The following ACOX3 variants were observed in gnomAD, a reference collection of about 807,000 sequenced individuals.
ACOX3 encodes acyl-CoA oxidase 3, pristanoyl, also known as peroxisomal acyl-coenzyme A oxidase 3.
ACOX3 carries 73 observed loss-of-function variants against 81.5 expected under a neutral mutation model. The ratio of observed to expected loss-of-function variants is 0.90; its 90% CI spans 0.74 to 1.09. The LOEUF is 1.09. Among genes scored for constraint, ACOX3 ranks in the 50% least tolerant of loss-of-function variants. The probability of loss-of-function intolerance (pLI) is 0.00; values close to 1 mark genes in which losing one functional copy is unlikely to be tolerated. For synonymous variants in ACOX3, 387 were observed against 375.1 expected (o/e 1.03, Z -0.37); for missense variants, 947 against 928.0 (o/e 1.02, Z -0.27).
At chr4:8,358,405 G>C in the ACOX3 span, 1 of 125,848 alleles carries the variant, frequency 7.9e-6, no homozygotes, top group African/African-American at 3.1e-5. Flanking sequence ...CAACTTTTTA[G>C]ACAAAGCTTA....
At chr4:8,369,165 C>T (rs553578637) in intron 17 of ACOX3, among the ~76,000 whole-genome samples, 4 of 152,252 alleles carry the variant, frequency 2.6e-5, no homozygotes, top group South Asian at 2.1e-4. Context: ...CGCTCAAGGC[C>T]GCTCCGGCTT....
chr4:8,431,118 G>A lies in ACOX3; in HGVS notation c.-15+9530C>T, dbSNP rs1457871143. 6.6e-6 allele frequency among the ~76,000 whole-genome samples: 1 copy of A among 152,176 alleles called. No individual in the cohort carries two copies. Among genetic ancestry groups the A allele is most frequent in the Non-Finnish European group, 1.5e-5 (1 of 68,032 alleles). On this transcript the variant is annotated intron_variant, in intron 1 of 17. Transcript: ENST00000356406. The surrounding 1 kb of genome is among the most constrained non-coding windows in gnomAD (Gnocchi z 5.3). Reference sequence around the variant, plus strand: ...TTAGGGCATCATCACAAAATGACATGGAGAAAACAAAGCACAGGTTTCCAG... The same window carrying A: ...TTAGGGCATCATCACAAAATGACATAGAGAAAACAAAGCACAGGTTTCCAG...
chr4:8,420,895 A>G (rs1028796168), intron 1 of ACOX3, among the ~76,000 whole-genome samples: 7 of 152,184 alleles, frequency 4.6e-5, no homozygotes, highest in African/African-American at 1.7e-4. Context: ...TGCATGGCTA[A>G]GTGCCTGGGT....
In ACOX3 at chr4:8,385,619, C is replaced by A. The variant is rs1308012580; in HGVS notation, c.1537+3554G>T. 6.6e-6 allele frequency among the ~76,000 whole-genome samples: 1 copy of A among 152,246 alleles called. No homozygotes were observed. The highest frequency in any genetic ancestry group is 2.4e-5 in the African/African-American group (1 of 41,466). On this transcript the variant is annotated intron_variant, in intron 13 of 17. Coordinates refer to ENST00000356406, the MANE Select transcript of ACOX3 (RefSeq NM_003501.3). The surrounding 1 kb of genome is among the most constrained non-coding windows in gnomAD (Gnocchi z 5.5). ...AATGCCTGTGCAAAAATCAGAGGAA[C>A]TCAACAGAAAACCCAGCCTCCCCTA...
At chr4:8,367,634 A>G (rs1407569018) in intron 17 of ACOX3, among the ~76,000 whole-genome samples, 2 of 151,830 alleles carry the variant, frequency 1.3e-5, no homozygotes, top group East Asian at 1.9e-4. Flanking sequence ...ATAAAGTACT[A>G]TAAAACACAT....
At chr4:8,356,349 A>G in the ACOX3 span, 1 of 369,932 alleles carries the variant, frequency 2.7e-6, no homozygotes, top group Non-Finnish European at 5.4e-6. Flanking sequence ...TCCCCTGTGC[A>G]GAGCATGTCT....
intron 16 of ACOX3, among the ~76,000 whole-genome samples, chr4:8,371,895 G>A (rs919957141): frequency 4.6e-5 from 7 of 152,242 alleles, no homozygotes; most frequent in South Asian, 2.1e-4. Flanking sequence ...CTACTGTGCC[G>A]TGGAAGCACA....
intron 1 of ACOX3, among the ~76,000 whole-genome samples, chr4:8,422,155 G>A (rs1316902348): frequency 1.3e-5 from 2 of 151,744 alleles, no homozygotes; most frequent in African/African-American, 4.8e-5. Context: ...AGAGAGAAAG[G>A]AAAGAGAGAG....
intron 17 of ACOX3, 40 bp from the exon 18 acceptor site, chr4:8,367,120 TAAG>T (rs765809577): frequency 2.4e-5 from 39 of 1,602,922 alleles, no homozygotes; most frequent in Non-Finnish European, 3.1e-5. Flanking sequence ...GACAAAGAAA[TAAG>T]AAGGAAAAGA....
At chr4:8,374,704 G>A (rs377383935) in intron 15 of ACOX3, 2 of 356,214 alleles carry the variant, frequency 5.6e-6, no homozygotes, top group Admixed American at 4.4e-5. Context: ...TGCAGAGCCC[G>A]GCAGGCTGCC....
At position 8,415,891 on chromosome 4, in the gene ACOX3, TC is replaced by T; in HGVS notation, c.252del (p.Ile85SerfsTer17). ...YRELNFLRCKRIFEYDFLSVE... is the reference protein window; with the variant it reads ...YRELNFLRCKXIFEYDFLSVE... ...ACACTGAGGAAGTCATACTCGAAGATCCGCTTGCATCGAAGGAAGTTCAGCT... is the reference window on the plus strand; with the variant it reads ...ACACTGAGGAAGTCATACTCGAAGATCGCTTGCATCGAAGGAAGTTCAGCT... On this transcript the variant is annotated frameshift_variant, in exon 3 of 18. Coordinates refer to ENST00000356406, the MANE Select transcript of ACOX3 (RefSeq NM_003501.3). LOFTEE classifies it high-confidence loss of function. 1 of 1,614,162 alleles carries T rather than the reference TC, an allele frequency of 6.2e-7. No individual in the cohort carries two copies. The highest frequency in any genetic ancestry group is 8.5e-7 in the Non-Finnish European group (1 of 1,180,038).
rs576857261 is a variant in ACOX3 at position 8,389,840 on chromosome 4, C to A, written c.1301-106G>T. On this transcript the variant is annotated intron_variant, in intron 11 of 17. Transcript: ENST00000356406. This position sits in a 1 kb window ranked among gnomAD's most constrained non-coding sequence, Gnocchi z 5.3. ...CCTTAAGAGGCTGGGTGCGGTGGCT[C>A]ACACCTGTAATGGCAGCACTTTGGG... 5 of 1,472,324 alleles carry A rather than the reference C, an allele frequency of 3.4e-6. No homozygotes were observed. In the African/African-American group the frequency reaches 7.0e-5, roughly 20 times the overall value. The allele number at this position is 1,472,324 out of a possible 1,614,324, so 91.2% of individuals were successfully genotyped here. A position where few individuals can be genotyped will look rare whatever the true frequency, so the allele number is the denominator to read the frequency against.
chr4:8,385,527 G>A lies in ACOX3; in HGVS notation c.1537+3646C>T, dbSNP rs1045243839. On this transcript the variant is annotated intron_variant, in intron 13 of 17. Coordinates refer to ENST00000356406, the MANE Select transcript of ACOX3 (RefSeq NM_003501.3). The surrounding 1 kb of genome is among the most constrained non-coding windows in gnomAD (Gnocchi z 5.5). ...GCATACGAGCCAGCTAAACAACAGG[G>A]CCCACTGCAGGAAGCAACAGCACAG... Among the ~76,000 whole-genome samples the A allele has an allele frequency of 1.3e-5, 2 of 152,246 alleles. No homozygotes were observed. Among genetic ancestry groups the A allele is most frequent in the African/African-American group, 4.8e-5 (2 of 41,470 alleles).
chr4:8,384,261 C>T lies in ACOX3; in HGVS notation c.1538-2654G>A, dbSNP rs1362116417. Among the ~76,000 whole-genome samples the T allele has an allele frequency of 2.6e-5, 4 of 151,976 alleles. No individual in the cohort carries two copies. Among genetic ancestry groups the T allele is most frequent in the Non-Finnish European group, 5.9e-5 (4 of 68,006 alleles). On this transcript the variant is annotated intron_variant, in intron 13 of 17. Transcript: ENST00000356406. The surrounding 1 kb of genome is among the most constrained non-coding windows in gnomAD (Gnocchi z 5.3). ...ACTCTACTTTTGGTTCTTGGTTTTT[C>T]GTGAAAAAATAAATCATGTCAGTCT... is the stretch of plus-strand genomic sequence containing the variant.
At chr4:8,371,676 T>G (rs1716216909) in intron 16 of ACOX3, among the ~76,000 whole-genome samples, 1 of 152,208 alleles carries the variant, frequency 6.6e-6, no homozygotes. Context: ...AGGAACTGAG[T>G]GCACCTCTGC....
Position 8,413,198 on chromosome 4 carries a change from C to T in ACOX3, c.543+1094G>A, listed in dbSNP as rs548972453. ...GGCCCATCTCCCTCCACCCCTGCACCCCTCCATAGTACTGACAGCCCCAGG... is the reference window on the plus strand; with the variant it reads ...GGCCCATCTCCCTCCACCCCTGCACTCCTCCATAGTACTGACAGCCCCAGG... On this transcript the variant is annotated intron_variant, in intron 5 of 17. Coordinates refer to ENST00000356406, the MANE Select transcript of ACOX3 (RefSeq NM_003501.3). Among the ~76,000 whole-genome samples the T allele has an allele frequency of 6.6e-3, 951 of 144,856 alleles. 3 individuals are homozygous for T. The highest frequency in any genetic ancestry group is 9.6e-3 in the Non-Finnish European group (632 of 65,998).
chr4:8,429,033 T>C lies in ACOX3; in HGVS notation c.-15+11615A>G, dbSNP rs73211340. On this transcript the variant is annotated intron_variant, in intron 1 of 17. Transcript: ENST00000356406. ...CAATCACCCACCCTTTACTTGTTTT[T>C]CTTTGTCTCACACTTTCCACTTCCT... is the stretch of plus-strand genomic sequence containing the variant. Among the ~76,000 whole-genome samples the C allele has an allele frequency of 8.9e-3, 1,356 of 152,332 alleles. 6 individuals carry two copies. Among genetic ancestry groups the C allele is most frequent in the South Asian group, 0.034 (162 of 4,826 alleles).
Position 8,394,630 on chromosome 4 carries a change from C to A in ACOX3, c.1169G>T (p.Ser390Ile), listed in dbSNP as rs1190232411. 4 of 1,613,686 alleles carry A rather than the reference C, an allele frequency of 2.5e-6. No individual in the cohort carries two copies. The highest frequency in any genetic ancestry group is 3.4e-6 in the Non-Finnish European group (4 of 1,179,980). The change falls in exon 10 of 18, where the codon AGC becomes ATC. Residue 390 changes from serine (S) to isoleucine (I), a missense_variant. By Grantham distance (142) the Ser-to-Ile change is moderately radical (BLOSUM62 -2). Transcript: ENST00000356406. The surrounding 1 kb of genome is among the most constrained non-coding windows in gnomAD (Gnocchi z 5.9). ...CAGACACCACCTCACCTGTCTGGCG[C>A]TGCGGTCTCCCGATGCAAGTCCTCG... ...LQRGLASGDRSARQAELGREI... is the reference protein window; with the variant it reads ...LQRGLASGDRIARQAELGREI...
At chr4:8,369,220 T>A (rs1715849886) in intron 17 of ACOX3, among the ~76,000 whole-genome samples, 1 of 152,132 alleles carries the variant, frequency 6.6e-6, no homozygotes, top group Non-Finnish European at 1.5e-5. Context: ...GGGTCCTCCA[T>A]GGCGGGTCTG....
Sources: gnomAD v4.1 joint callset for allele counts (sites outside exome capture counted in the v4.1 genomes callset) on GRCh38, gnomAD v4.1.1 for gene constraint, Gnocchi (gnomAD v3.1) non-coding constraint, MANE v1.5 for transcripts, NCBI Gene and HGNC (gene_info 2026-07-23, HGNC 2026-07-21) for gene names.